Variants in MYH9 observed in about 807,000 individuals in gnomAD.
MYH9 encodes the protein myosin-9.
A neutral mutation model predicts 241.9 loss-of-function variants in MYH9; 29 were observed. That is an observed-to-expected ratio of 0.12 (90% confidence interval 0.09 to 0.16). The LOEUF is 0.16. MYH9 is among the 10% of genes least tolerant of loss of function. MYH9 has a pLI of 1.00. For missense variants in MYH9, 1,803 were observed against 2,595.5 expected, an observed-to-expected ratio of 0.69 and a Z score of 6.63; for synonymous variants, 1,047 against 1,062.6, an observed-to-expected ratio of 0.99 and a Z score of 0.29.
intron 6 of MYH9, 142 bp downstream of exon 6, chr22:36,322,287 T>C: frequency 2.2e-6 from 2 of 927,614 alleles, no homozygotes; most frequent in Non-Finnish European, 3.5e-6. Flanking sequence ...CGGTCTGGCC[T>C]AGTCCACACG....
intron 1 of MYH9, among the ~76,000 whole-genome samples, chr22:36,357,633 G>A (rs914419466): frequency 1.4e-4 from 22 of 152,128 alleles, no homozygotes; most frequent in African/African-American, 4.6e-4. Flanking sequence ...GTGAACAAAC[G>A]CAGCACTATG....
chr22:36,296,798 C>T, intron 25 of MYH9, 45 bp downstream of exon 25: 1 of 1,563,840 alleles, frequency 6.4e-7, no homozygotes, highest in Non-Finnish European at 8.7e-7. Flanking sequence ...GCAGGAAGGG[C>T]TGGCCCAGGC....
Position 36,281,305 on chromosome 22 carries a change from T to C in MYH9, c.*1363A>G, listed in dbSNP as rs1241556405. ...TAGCACATGGTTCTCTTTATTGTGA[T>C]GCTCAGTGGAAAACATCTGTAAACC... On this transcript the variant is annotated 3_prime_UTR_variant, in exon 41 of 41. Coordinates refer to ENST00000216181, the MANE Select transcript of MYH9 (RefSeq NM_002473.6). 1.9e-5 allele frequency: 4 copies of C among 205,152 alleles called. No individual in the cohort carries two copies. Among genetic ancestry groups the C allele is most frequent in the Admixed American group, 6.0e-5 (1 of 16,724 alleles). The allele number at this position is 205,152 out of a possible 1,614,324, so 12.7% of individuals were successfully genotyped here. A position where few individuals can be genotyped will look rare whatever the true frequency, so the allele number is the denominator to read the frequency against.
intron 2 of MYH9, among the ~76,000 whole-genome samples, chr22:36,345,291 G>A (rs922146583): frequency 2.5e-4 from 36 of 142,290 alleles, no homozygotes; most frequent in African/African-American, 9.3e-4. Context: ...CAGCCTGGGC[G>A]ACAGGGCAAG....
rs752273735 is a variant in MYH9, at chr22:36,294,113, G to A, written c.3816C>T (p.Ala1272=). 9 of 1,609,984 alleles carry A rather than the reference G, an allele frequency of 5.6e-6. No homozygotes were observed. Among genetic ancestry groups the A allele is most frequent in the Admixed American group, 1.7e-5 (1 of 60,026 alleles). ...TCACCTGCAGCTTGGTGACCTTGTC[G>A]GCCAGCTCTGTGCGCACGCGCTCTC... is the stretch of plus-strand genomic sequence containing the variant. ...NEGERVRTEL[A]DKVTKLQVEL... Residue 1272 remains alanine (A), a synonymous_variant, in exon 28 of 41, where the codon GCC becomes GCT. Transcript: ENST00000216181.
chr22:36,282,341 G>A lies in MYH9; in HGVS notation c.*327C>T, dbSNP rs1038295389. The A allele has an allele frequency of 4.1e-6, 2 of 491,398 alleles. No individual in the cohort carries two copies. Among genetic ancestry groups the A allele is most frequent in the Non-Finnish European group, 7.4e-6 (2 of 271,552 alleles). 30.4% of individuals were successfully genotyped at this position (491,398 alleles called of 1,614,324 possible). On this transcript the variant is annotated 3_prime_UTR_variant, in exon 41 of 41. Transcript: ENST00000216181. ...ATAGAAAACTCTGGCCCCTCCCCGG[G>A]GGCCTGCCCTGCTCGCCTCAACATC...
Position 36,351,321 on chromosome 22 carries a change from G to T in MYH9, c.-19-2066C>A, listed in dbSNP as rs571716128. Among the ~76,000 whole-genome samples, 4 of 152,324 alleles carry T rather than the reference G, an allele frequency of 2.6e-5. No homozygotes were observed. The South Asian group carries it at 8.3e-4, about 32-fold the overall frequency. Reference sequence around the variant, plus strand: ...GCAAACCCCACAGACCCTTGTGGGGGCCAGGGGGCACATCCACTCTGCAAG... The same window carrying T: ...GCAAACCCCACAGACCCTTGTGGGGTCCAGGGGGCACATCCACTCTGCAAG... On this transcript the variant is annotated intron_variant, in intron 1 of 40. Transcript: ENST00000216181.
chr22:36,342,576 T>C (rs1253992708), intron 2 of MYH9, among the ~76,000 whole-genome samples: 1 of 152,142 alleles, frequency 6.6e-6, no homozygotes, highest in Admixed American at 6.5e-5. Context: ...TGACTACTAA[T>C]TCTTTTTCTA....
chr22:36,374,931 CTACTT>C (rs1247002185), intron 1 of MYH9, among the ~76,000 whole-genome samples: 5 of 152,296 alleles, frequency 3.3e-5, no homozygotes, highest in Admixed American at 6.5e-5. Flanking sequence ...CACCATGTCT[CTACTT>C]TACAATCTCG....
At position 36,282,129 on chromosome 22, in the gene MYH9, C is replaced by T. The variant is rs533769148; in HGVS notation, c.*539G>A. On this transcript the variant is annotated 3_prime_UTR_variant, in exon 41 of 41. Coordinates refer to ENST00000216181, the MANE Select transcript of MYH9 (RefSeq NM_002473.6). Reference sequence around the variant, plus strand: ...AGAGGTGGAGGCCCAGGGCCTGCTCCTTCTGGACCGCCCAGAGCCATGGGA... The same window carrying T: ...AGAGGTGGAGGCCCAGGGCCTGCTCTTTCTGGACCGCCCAGAGCCATGGGA... 26 of 265,304 alleles carry T rather than the reference C, an allele frequency of 9.8e-5. No individual in the cohort carries two copies. The Middle Eastern group carries it at 6.8e-3, about 70-fold the overall frequency. The allele number at this position is 265,304 out of a possible 1,614,324, so 16.4% of individuals were successfully genotyped here.
Position 36,316,609 on chromosome 22 carries a change from C to A in MYH9, c.1288G>T (p.Val430Leu). 1 of 1,614,126 alleles carries A rather than the reference C, an allele frequency of 6.2e-7. No homozygotes were observed. The highest frequency in any genetic ancestry group is 1.1e-5 in the South Asian group (1 of 91,092). The change falls in exon 12 of 41, where the codon GTG becomes TTG. Residue 430 changes from valine (V) to leucine (L), a missense_variant. Transcript: ENST00000216181. ...TCCAGAGCCTTGTTGATGCGCAGCA[C>A]CAGCCAGCGGAACATCCGCTCATAG... ...ATYERMFRWL[V>L]LRINKALDKT...
intron 10 of MYH9, among the ~76,000 whole-genome samples, chr22:36,318,806 C>G (rs559711218): frequency 6.6e-6 from 1 of 152,224 alleles, no homozygotes; most frequent in South Asian, 2.1e-4. Context: ...TCTTGTTGCC[C>G]AGGCTGGAGT....
chr22:36,299,093 C>T (rs1886788587), intron 23 of MYH9, 51 bp from the exon 24 acceptor site: 2 of 1,612,078 alleles, frequency 1.2e-6, no homozygotes, highest in Non-Finnish European at 1.7e-6. Flanking sequence ...GCACAGAACA[C>T]TTGCTAGCCT....
rs184598252 is a variant in MYH9, at chr22:36,368,051, G to A, written c.-19-18796C>T. ...CATACAGACACCCCAGAGGATGCTG[G>A]GATATGGCCGAAGTCAGGCCAACCT... On this transcript the variant is annotated intron_variant, in intron 1 of 40. Coordinates refer to ENST00000216181, the MANE Select transcript of MYH9 (RefSeq NM_002473.6). Among the ~76,000 whole-genome samples, 535 of 152,296 alleles carry A rather than the reference G, an allele frequency of 3.5e-3. 1 individual carries two copies. The highest frequency in any genetic ancestry group is 6.8e-3 in the Middle Eastern group (2 of 294).
intron 12 of MYH9, 49 bp from the exon 13 acceptor site, chr22:36,314,367 G>C (rs1236753718): frequency 2.5e-6 from 4 of 1,608,428 alleles, no homozygotes; most frequent in South Asian, 2.2e-5. Context: ...CTGCACTAAA[G>C]AGGCCCAGAC....
In MYH9 at chr22:36,285,388, G is replaced by A; in HGVS notation, c.5275-59C>T. On this transcript the variant is annotated intron_variant, in intron 37 of 40. Transcript: ENST00000216181. The surrounding 1 kb of genome is among the most constrained non-coding windows in gnomAD (Gnocchi z 7.0). ...CTGGGGCCCTGGCTGGAGGGCATGA[G>A]CAGGGCCAGAGGAAGGTGGCAGCAG... 5 of 1,552,698 alleles carry A rather than the reference G, an allele frequency of 3.2e-6. No individual in the cohort carries two copies. The highest frequency in any genetic ancestry group is 4.4e-6 in the Non-Finnish European group (5 of 1,136,152).
At chr22:36,283,288 G>C (rs895332854) in intron 40 of MYH9, among the ~76,000 whole-genome samples, 2 of 152,120 alleles carry the variant, frequency 1.3e-5, no homozygotes, top group Non-Finnish European at 2.9e-5. Context: ...TGTAATCTCA[G>C]CTCTCTGGGA....
At chr22:36,290,938 C>G (rs892373293) in intron 31 of MYH9, among the ~76,000 whole-genome samples, 10 of 147,252 alleles carry the variant, frequency 6.8e-5, no homozygotes, top group Non-Finnish European at 1.3e-4. Flanking sequence ...AGGTGAGGAG[C>G]CCCTCCGCCC....
intron 1 of MYH9, among the ~76,000 whole-genome samples, chr22:36,383,928 C>T (rs1465621311): frequency 7.0e-4 from 104 of 149,354 alleles, no homozygotes; most frequent in African/African-American, 2.4e-3. Flanking sequence ...CCACTGCACT[C>T]CAGCCTGGGT....
Sources: gnomAD v4.1 joint callset for allele counts (sites outside exome capture counted in the v4.1 genomes callset) on GRCh38, gnomAD v4.1.1 for gene constraint, Gnocchi (gnomAD v3.1) non-coding constraint, MANE v1.5 for transcripts, NCBI Gene and HGNC (gene_info 2026-07-23, HGNC 2026-07-21) for gene names.